The following CTNNA2 variants were observed in gnomAD, a reference collection of about 807,000 sequenced individuals.
CTNNA2 encodes the protein catenin alpha 2, also known as catenin alpha-2.
A neutral mutation model predicts 101.0 loss-of-function variants in CTNNA2; 42 were observed. The ratio of observed to expected loss-of-function variants is 0.42; its 90% CI spans 0.32 to 0.54. The LOEUF (loss-of-function observed/expected upper bound fraction) is 0.54. Ranked by LOEUF, CTNNA2 falls within the 20% of genes least tolerant of loss-of-function variation. The pLI is 0.14. For synonymous variants in CTNNA2, 450 were observed against 456.4 expected (o/e 0.99, Z 0.18); for missense variants, 871 against 1,223.1 (o/e 0.71, Z 4.29).
intron 15 of CTNNA2, among the ~76,000 whole-genome samples, chr2:80,598,730 G>C (rs1386613823): frequency 6.6e-6 from 1 of 152,126 alleles, no homozygotes; most frequent in Non-Finnish European, 1.5e-5. Context: ...GCAATGATTT[G>C]GATAAACCTT....
intron 2 of CTNNA2, among the ~76,000 whole-genome samples, chr2:79,246,027 A>G (rs2104263973): frequency 6.6e-6 from 1 of 152,348 alleles, no homozygotes; most frequent in African/African-American, 2.4e-5. Context: ...ATTATGCTGA[A>G]TACTTTGATT....
intron 3 of CTNNA2, among the ~76,000 whole-genome samples, chr2:79,818,606 A>C (rs1677722144): frequency 1.3e-5 from 2 of 151,242 alleles, no homozygotes; most frequent in African/African-American, 4.9e-5. Context: ...TGAGCCACCA[A>C]GCCCGGCCTG....
chr2:80,553,462 A>G (rs1692763758), intron 11 of CTNNA2, among the ~76,000 whole-genome samples: 1 of 152,112 alleles, frequency 6.6e-6, no homozygotes, highest in Admixed American at 6.5e-5. Flanking sequence ...CTACTTTTGG[A>G]TAGTCCTATT....
At chr2:79,985,251 A>G in intron 7 of CTNNA2, among the ~76,000 whole-genome samples, 1 of 152,222 alleles carries the variant, frequency 6.6e-6, no homozygotes, top group East Asian at 1.9e-4. Flanking sequence ...CCATGCCTTT[A>G]CACTCACTGT....
intron 7 of CTNNA2, among the ~76,000 whole-genome samples, chr2:80,013,664 A>G (rs976482318): frequency 1.3e-5 from 2 of 152,194 alleles, no homozygotes; most frequent in African/African-American, 4.8e-5. Context: ...TAATTTACCC[A>G]GTCATTTCAC....
chr2:80,095,042 T>G (rs1480400329), intron 7 of CTNNA2, among the ~76,000 whole-genome samples: 1 of 152,216 alleles, frequency 6.6e-6, no homozygotes, highest in African/African-American at 2.4e-5. Context: ...AACACTATGT[T>G]GAATAGGAGT....
intron 7 of CTNNA2, among the ~76,000 whole-genome samples, chr2:80,005,341 G>T (rs1265290018): frequency 6.6e-6 from 1 of 152,140 alleles, no homozygotes; most frequent in Non-Finnish European, 1.5e-5. Context: ...GTTAGGAGTG[G>T]CCCTGCTCAT....
At chr2:80,195,612 CTTT>C (rs538517274) in intron 7 of CTNNA2, among the ~76,000 whole-genome samples, 5 of 127,408 alleles carry the variant, frequency 3.9e-5, no homozygotes, top group African/African-American at 5.6e-5. Context: ...ACCAAAACAT[CTTT>C]TTTTTTTTTT....
intron 7 of CTNNA2, among the ~76,000 whole-genome samples, chr2:79,964,423 C>G (rs1574423091): frequency 6.6e-6 from 1 of 151,820 alleles, no homozygotes; most frequent in East Asian, 1.9e-4. Context: ...AAAAAAAAGC[C>G]AAGCTGTTTA....
intron 7 of CTNNA2, among the ~76,000 whole-genome samples, chr2:80,038,901 T>C (rs957400974): frequency 2.0e-5 from 3 of 152,092 alleles, no homozygotes; most frequent in African/African-American, 7.2e-5. Context: ...CTGTATCACT[T>C]TATCAACACA....
At position 80,239,229 on chromosome 2, in the gene CTNNA2, C is replaced by T. The variant is rs76298163; in HGVS notation, c.1057-153982C>T. 2.7e-3 allele frequency among the ~76,000 whole-genome samples: 410 copies of T among 152,274 alleles called. 12 individuals are homozygous for T. In the East Asian group the frequency reaches 0.073, roughly 27 times the overall value. On this transcript the variant is annotated intron_variant, in intron 7 of 18. Coordinates refer to ENST00000402739, the MANE Select transcript of CTNNA2 (RefSeq NM_001282597.3). ...TACTTTTGATGTACTCTGAAGAGTG[C>T]TCTCATGCTGGGAGAATTTCAGTGC...
chr2:79,279,861 T>A (rs1423682673), intron 2 of CTNNA2, among the ~76,000 whole-genome samples: 3 of 152,112 alleles, frequency 2.0e-5, no homozygotes, highest in Admixed American at 6.6e-5. Context: ...AGCATTGTCC[T>A]GTTAGCCCAT....
intron 2 of CTNNA2, among the ~76,000 whole-genome samples, chr2:79,705,416 T>G (rs1000336392): frequency 6.2e-4 from 95 of 152,324 alleles, no homozygotes; most frequent in African/African-American, 2.2e-3. Context: ...GTGCATAATT[T>G]AGAAATTAAA....
chr2:80,335,217 G>T (rs1671670651), intron 7 of CTNNA2, among the ~76,000 whole-genome samples: 1 of 152,184 alleles, frequency 6.6e-6, no homozygotes, highest in South Asian at 2.1e-4. Flanking sequence ...AGGATGTGGA[G>T]GGTCTTAACA....
chr2:79,823,853 A>G (rs1018984068), intron 3 of CTNNA2, among the ~76,000 whole-genome samples: 28 of 152,186 alleles, frequency 1.8e-4, no homozygotes, highest in African/African-American at 5.5e-4. Context: ...CTCTGGGTAG[A>G]TAAAAACCTT....
chr2:80,043,928 T>C (rs1370799239), intron 7 of CTNNA2, among the ~76,000 whole-genome samples: 1 of 152,242 alleles, frequency 6.6e-6, no homozygotes, highest in Non-Finnish European at 1.5e-5. Flanking sequence ...TGTTTGTGCA[T>C]GTATGCACAC....
chr2:79,976,244 A>G (rs1690832761), intron 7 of CTNNA2, among the ~76,000 whole-genome samples: 3 of 152,186 alleles, frequency 2.0e-5, no homozygotes, highest in Non-Finnish European at 1.5e-5. Context: ...ATTAATGCCT[A>G]TCTCTGGTAT....
At chr2:79,384,529 C>T (rs1349680211) in intron 4 of CTNNA2, among the ~76,000 whole-genome samples, 1 of 151,710 alleles carries the variant, frequency 6.6e-6, no homozygotes, top group East Asian at 1.9e-4. Context: ...ATGTAGGTGT[C>T]AAAGTAGCTG....
chr2:80,425,709 T>A (rs1409446131), intron 9 of CTNNA2, among the ~76,000 whole-genome samples: 1 of 151,100 alleles, frequency 6.6e-6, no homozygotes, highest in Non-Finnish European at 1.5e-5. Context: ...ATTTTATGGG[T>A]TTTTTTTCCC....
Sources: gnomAD v4.1 joint callset for allele counts (sites outside exome capture counted in the v4.1 genomes callset) on GRCh38, gnomAD v4.1.1 for gene constraint, MANE v1.5 for transcripts, NCBI Gene and HGNC (gene_info 2026-07-23, HGNC 2026-07-21) for gene names.